Variants in ATP2C2 observed in about 807,000 individuals in gnomAD.
The protein encoded by ATP2C2 is ATPase secretory pathway Ca2+ transporting 2.
Under a neutral mutation model 110.8 loss-of-function variants are expected in ATP2C2, and 171 were observed. The observed-to-expected ratio is 1.54, with a 90% CI of 1.36 to 1.75. The LOEUF is 1.75. Among genes scored for constraint, ATP2C2 ranks in the 40% most tolerant of loss-of-function variants. ATP2C2 has a pLI of 0.00. For missense variants in ATP2C2, 1,963 were observed against 1,235.0 expected, an observed-to-expected ratio of 1.59 and a Z score of -8.84; for synonymous variants, 804 against 508.4, an observed-to-expected ratio of 1.58 and a Z score of -7.82.
At chr16:84,459,683 C>G (rs1007462264) in intron 23 of ATP2C2, 2 of 1,192,320 alleles carry the variant, frequency 1.7e-6, no homozygotes, top group African/African-American at 3.0e-5. Context: ...AGTCACCAGT[C>G]ACTGCCTTCA....
At chr16:84,460,858 G>A (rs537548910) in intron 24 of ATP2C2, 57 bp downstream of exon 24, 18 of 1,544,460 alleles carry the variant, frequency 1.2e-5, no homozygotes, top group African/African-American at 9.6e-5. Context: ...CAGACGCTGG[G>A]GACTGCAGTC....
intron 10 of ATP2C2, among the ~76,000 whole-genome samples, chr16:84,425,315 T>C (rs950838432): frequency 1.3e-5 from 2 of 152,208 alleles, no homozygotes; most frequent in South Asian, 4.1e-4. Flanking sequence ...ATGGAGTATA[T>C]TTAATCATGA....
rs142106669 is a variant in ATP2C2, at chr16:84,463,747, C to A, written c.*15C>A. 1.3e-6 allele frequency: 2 copies of A among 1,586,984 alleles called. No homozygotes were observed. Among genetic ancestry groups the A allele is most frequent in the Non-Finnish European group, 1.7e-6 (2 of 1,155,906 alleles). On this transcript the variant is annotated 3_prime_UTR_variant, in exon 27 of 27. Transcript: ENST00000262429. ...AAGATGTGTAGTGGACCGCACTCCG[C>A]GGCACCTTCCCTAATCATCTCGATC...
intron 15 of ATP2C2, among the ~76,000 whole-genome samples, chr16:84,445,494 C>T (rs957510314): frequency 6.6e-6 from 1 of 152,196 alleles, no homozygotes; most frequent in Non-Finnish European, 1.5e-5. Flanking sequence ...AGGCATGAGC[C>T]ACCATGCCCG....
intron 14 of ATP2C2, 149 bp from the exon 15 acceptor site, chr16:84,442,361 G>T (rs919935237): frequency 2.8e-6 from 2 of 722,572 alleles, no homozygotes; most frequent in Middle Eastern, 2.5e-4. Flanking sequence ...TAGTCACGAT[G>T]TTTCTTTTAA....
chr16:84,426,629 C>G (rs531395473), intron 11 of ATP2C2, among the ~76,000 whole-genome samples: 1 of 152,254 alleles, frequency 6.6e-6, no homozygotes, highest in East Asian at 1.9e-4. Context: ...ATACCCTCTC[C>G]TAGGGCGACT....
At chr16:84,408,993 A>G (rs1175251299) in intron 4 of ATP2C2, among the ~76,000 whole-genome samples, 2 of 152,164 alleles carry the variant, frequency 1.3e-5, no homozygotes, top group African/African-American at 4.8e-5. Flanking sequence ...TTCATCACCC[A>G]GAAGGAAACC....
chr16:84,453,037 A>C (rs1376720767), intron 18 of ATP2C2, 101 bp from the exon 19 acceptor site: 1 of 1,231,648 alleles, frequency 8.1e-7, no homozygotes, highest in Non-Finnish European at 1.1e-6. Context: ...CGTCTCCAGC[A>C]TGGTTTTATT....
chr16:84,377,923 C>A (rs1910342846), intron 1 of ATP2C2, among the ~76,000 whole-genome samples: 1 of 152,160 alleles, frequency 6.6e-6, no homozygotes, highest in African/African-American at 2.4e-5. Flanking sequence ...GGGCATGGTG[C>A]CCCACTAGCT....
chr16:84,421,260 G>A (rs1232810076), intron 7 of ATP2C2, among the ~76,000 whole-genome samples: 1 of 152,226 alleles, frequency 6.6e-6, no homozygotes, highest in Non-Finnish European at 1.5e-5. Context: ...GAATGTGACT[G>A]CGCAGCCGGA....
At chr16:84,462,821 C>G (rs530177167) in intron 26 of ATP2C2, 1 of 152,706 alleles carries the variant, frequency 6.5e-6, no homozygotes, top group Non-Finnish European at 1.5e-5. Context: ...ATGGGCCCAC[C>G]GCCTCCCCGC....
In ATP2C2 at chr16:84,453,312, C is replaced by T. The variant is rs374294902; in HGVS notation, c.1930-9C>T. Reference sequence around the variant, plus strand: ...TCTGATTCTTCGTCTTCCCCGTCTCCGTGTCCAGGTGTCCGTGTTCTTCAG... The same window carrying T: ...TCTGATTCTTCGTCTTCCCCGTCTCTGTGTCCAGGTGTCCGTGTTCTTCAG... On this transcript the variant is annotated splice_polypyrimidine_tract_variant and intron_variant, in intron 19 of 26. Coordinates refer to ENST00000262429, the MANE Select transcript of ATP2C2 (RefSeq NM_014861.4). 164 of 1,614,132 alleles carry T rather than the reference C, an allele frequency of 1.0e-4. No individual in the cohort carries two copies. The African/African-American group carries it at 1.1e-3, about 11-fold the overall frequency.
intron 11 of ATP2C2, among the ~76,000 whole-genome samples, chr16:84,435,974 C>G (rs995731759): frequency 2.0e-5 from 3 of 152,120 alleles, no homozygotes; most frequent in African/African-American, 7.2e-5. Context: ...ACTAAAAATT[C>G]AAAAATTAGC....
At chr16:84,459,460 T>C (rs759612579) in intron 23 of ATP2C2, 74 bp downstream of exon 23, 3 of 1,603,508 alleles carry the variant, frequency 1.9e-6, no homozygotes, top group Non-Finnish European at 2.6e-6. Context: ...CTGCTGGCTG[T>C]GCCCCAAGGC....
intron 6 of ATP2C2, among the ~76,000 whole-genome samples, chr16:84,411,191 TGCA>T (rs1428254676): frequency 6.6e-6 from 1 of 152,200 alleles, no homozygotes; most frequent in African/African-American, 2.4e-5. Context: ...GAACATTGGC[TGCA>T]GCATAGGGTA....
At chr16:84,383,786 G>GTTTTTTTTT (rs753992042) in intron 1 of ATP2C2, among the ~76,000 whole-genome samples, 2 of 85,648 alleles carry the variant, frequency 2.3e-5, no homozygotes, top group Non-Finnish European at 5.3e-5. Flanking sequence ...TGGTTTTGTT[G>GTTTTTTTTT]GTTTTTTTTT....
rs1189223637 is a variant in ATP2C2, at chr16:84,415,511, C to G, written c.544C>G (p.Leu182Val). The G allele has an allele frequency of 1.9e-6, 3 of 1,614,062 alleles. No homozygotes were observed. The highest frequency in any genetic ancestry group is 2.5e-6 in the Non-Finnish European group (3 of 1,180,030). ...AAGAGAAGGAAAACTCCAGCACCTG[C>G]TTGCTCGAGAACTGGTTCCTGGTGA... ...CLREGKLQHL[L>V]ARELVPGDVV... The change falls in exon 7 of 27, where the codon CTT becomes GTT. Residue 182 changes from leucine (L) to valine (V), a missense_variant. Coordinates refer to ENST00000262429, the MANE Select transcript of ATP2C2 (RefSeq NM_014861.4).
At chr16:84,388,102 T>A (rs913505260) in intron 1 of ATP2C2, among the ~76,000 whole-genome samples, 7 of 151,928 alleles carry the variant, frequency 4.6e-5, no homozygotes, top group African/African-American at 1.7e-4. Context: ...GAGGCCGAGG[T>A]GGGTAGATCA....
At chr16:84,410,124 G>A (rs1906145137) in intron 4 of ATP2C2, among the ~76,000 whole-genome samples, 1 of 152,102 alleles carries the variant, frequency 6.6e-6, no homozygotes, top group East Asian at 1.9e-4. Flanking sequence ...CAGGAGAATC[G>A]CTTGAAACCG....
Sources: gnomAD v4.1 joint callset for allele counts (sites outside exome capture counted in the v4.1 genomes callset) on GRCh38, gnomAD v4.1.1 for gene constraint, MANE v1.5 for transcripts, NCBI Gene and HGNC (gene_info 2026-07-23, HGNC 2026-07-21) for gene names.